Variants in ZNF791 observed in about 807,000 individuals in gnomAD.
ZNF791 encodes zinc finger protein 791.
Under a neutral mutation model 11.5 loss-of-function variants are expected in ZNF791, and 4 were observed. The observed-to-expected ratio is 0.35, with a 90% confidence interval of 0.17 to 0.80. The LOEUF is 0.80. Ranked by LOEUF, ZNF791 falls within the 30% of genes least tolerant of loss-of-function variation. The probability of loss-of-function intolerance (pLI) is 0.53; values close to 1 mark genes in which losing one functional copy is unlikely to be tolerated. For missense variants in ZNF791, 559 were observed against 699.4 expected, an observed-to-expected ratio of 0.80 and a Z score of 2.26; for synonymous variants, 212 against 228.1, an observed-to-expected ratio of 0.93 and a Z score of 0.64.
intron 1 of ZNF791, chr19:12,612,220 T>TA (rs924829547): frequency 1.3e-4 from 89 of 689,116 alleles, no homozygotes; most frequent in Non-Finnish European, 1.6e-4. Context: ...TTTTTTTTTT[T>TA]AACAGATGGG....
chr19:12,629,032 C>A lies in ZNF791; in HGVS notation c.1503C>A (p.Cys501Ter). 1 of 1,612,020 alleles carries A rather than the reference C, an allele frequency of 6.2e-7. No individual in the cohort carries two copies. The highest frequency in any genetic ancestry group is 1.7e-5 in the Admixed American group (1 of 59,658). Reference protein sequence around the residue: ...TGEKPYECKECGKAFIYPTSF... With the variant: ...TGEKPYECKE ...AGAAACCTTATGAATGTAAGGAATG[C>A]GGGAAGGCCTTTATTTATCCCACAA... The change falls in exon 4 of 4, where the codon TGC (cysteine) becomes TGA (stop). Residue 501 changes from cysteine to a stop codon, truncating the protein, a stop_gained. Coordinates refer to ENST00000343325, the MANE Select transcript of ZNF791 (RefSeq NM_153358.3). LOFTEE classifies it low-confidence loss of function (END_TRUNC).
intron 1 of ZNF791, among the ~76,000 whole-genome samples, chr19:12,613,291 G>A (rs1305815458): frequency 6.6e-6 from 1 of 151,272 alleles, no homozygotes; most frequent in Non-Finnish European, 1.5e-5. Context: ...CAATCCTTAA[G>A]AATTTAAGGG....
At chr19:12,614,784 G>T (rs988682235) in intron 1 of ZNF791, among the ~76,000 whole-genome samples, 3 of 150,724 alleles carry the variant, frequency 2.0e-5, no homozygotes, top group African/African-American at 7.3e-5. Context: ...AGTAGAGATG[G>T]GGTTTCTCCA....
chr19:12,627,789 ATC>A lies in ZNF791; in HGVS notation c.263_264del (p.Leu88GlnfsTer13), dbSNP rs1568290438. 1.8e-5 allele frequency: 29 copies of A among 1,614,066 alleles called. No homozygotes were observed. The highest frequency in any genetic ancestry group is 2.4e-5 in the Non-Finnish European group (28 of 1,180,038). On this transcript the variant is annotated frameshift_variant, in exon 4 of 4. Coordinates refer to ENST00000343325, the MANE Select transcript of ZNF791 (RefSeq NM_153358.3). LOFTEE classifies it low-confidence loss of function (END_TRUNC). The stretch of plus-strand genomic sequence containing the variant: ...CAATGTGCAGAAAACTTCAGTCCCA[ATC>A]TCAGTGTGACGAAGAAGACTGCCGG...
rs771047404 is a variant in ZNF791 at position 12,629,017 on chromosome 19, T to G, written c.1488T>G (p.Tyr496Ter). 1 of 1,613,890 alleles carries G rather than the reference T, an allele frequency of 6.2e-7. No individual in the cohort carries two copies. The highest frequency in any genetic ancestry group is 8.5e-7 in the Non-Finnish European group (1 of 1,179,952). The stretch of plus-strand genomic sequence containing the variant: ...GAACTCACACTGGGGAGAAACCTTA[T>G]GAATGTAAGGAATGCGGGAAGGCCT... The part of the protein sequence containing the change: ...HKRTHTGEKP[Y>*]ECKECGKAFI... The change falls in exon 4 of 4, where the codon TAT becomes TAG. Residue 496 changes from tyrosine (Y) to a stop codon, truncating the protein, a stop_gained. Coordinates refer to ENST00000343325, the MANE Select transcript of ZNF791 (RefSeq NM_153358.3). LOFTEE classifies it low-confidence loss of function (END_TRUNC).
chr19:12,622,317 C>T (rs35420376), intron 1 of ZNF791, among the ~76,000 whole-genome samples: 65,654 of 134,714 alleles, frequency 0.49, 18,696 homozygotes, highest in Non-Finnish European at 0.66. Context: ...CTGTCAAATC[C>T]CCCTCTGTGA....
chr19:12,624,162 T>C (rs1335355772), intron 2 of ZNF791, among the ~76,000 whole-genome samples: 1 of 141,044 alleles, frequency 7.1e-6, no homozygotes, highest in African/African-American at 2.6e-5. Context: ...GGCCTTCTTT[T>C]TTTTTTTTTT....
rs767694014 is a variant in ZNF791 at position 12,627,709 on chromosome 19, A to G, written c.192-12A>G. 1 of 1,593,500 alleles carries G rather than the reference A, an allele frequency of 6.3e-7. No homozygotes were observed. Among genetic ancestry groups the G allele is most frequent in the South Asian group, 1.1e-5 (1 of 89,428 alleles). On this transcript the variant is annotated splice_polypyrimidine_tract_variant and intron_variant, in intron 3 of 3. Transcript: ENST00000343325. ...ACACAACCAGTATTACCGTGCTTCTAATTTTTTACAGAAGCCATACGGGAG... is the reference window on the plus strand; with the variant it reads ...ACACAACCAGTATTACCGTGCTTCTGATTTTTTACAGAAGCCATACGGGAG...
chr19:12,616,331 G>T (rs938605889), intron 1 of ZNF791, among the ~76,000 whole-genome samples: 1 of 152,140 alleles, frequency 6.6e-6, no homozygotes, highest in African/African-American at 2.4e-5. Context: ...GGTGGTACAC[G>T]CTTGTCATCC....
chr19:12,630,085 A>G lies in ZNF791; in HGVS notation c.*825A>G, dbSNP rs934226672. The G allele has an allele frequency of 1.3e-5, 2 of 151,720 alleles. No homozygotes were observed. The highest frequency in any genetic ancestry group is 2.9e-5 in the Non-Finnish European group (2 of 68,050). The allele number at this position is 151,720 out of a possible 1,614,324, so 9.4% of individuals were successfully genotyped here. On this transcript the variant is annotated 3_prime_UTR_variant, in exon 4 of 4. Transcript: ENST00000343325. ...TGAGGCAGGAGGATTGCCTGAGCCCAGGAGTTCAAGGCTACAGTGAACCAA... is the reference window on the plus strand; with the variant it reads ...TGAGGCAGGAGGATTGCCTGAGCCCGGGAGTTCAAGGCTACAGTGAACCAA...
At chr19:12,620,771 T>A (rs1599323508) in intron 1 of ZNF791, among the ~76,000 whole-genome samples, 1 of 142,678 alleles carries the variant, frequency 7.0e-6, no homozygotes, top group East Asian at 2.0e-4. Context: ...TTTTTTTTTT[T>A]TTTTTTTGAG....
At chr19:12,621,740 GCCAGCCGCCCCGTCCGGGAGGGAGGT>G (rs754913418) in intron 1 of ZNF791, among the ~76,000 whole-genome samples, 358 of 118,980 alleles carry the variant, frequency 3.0e-3, no homozygotes, top group Non-Finnish European at 5.4e-3. Flanking sequence ...CCCCTGCCCG[GCCAGCCGCCCCGTCCGGGAGGGAGGT>G]GGGGGGGGTC....
chr19:12,625,331 G>C (rs970158504), intron 3 of ZNF791, among the ~76,000 whole-genome samples: 1 of 151,062 alleles, frequency 6.6e-6, no homozygotes, highest in African/African-American at 2.4e-5. Flanking sequence ...ATGTTGGCAA[G>C]GCTGGTCTCA....
rs1222841899 is a variant in ZNF791, at chr19:12,632,114, C to A, written c.*2854C>A. The A allele has an allele frequency of 1.3e-5, 2 of 152,002 alleles. No individual in the cohort carries two copies. Among genetic ancestry groups the A allele is most frequent in the African/African-American group, 2.4e-5 (1 of 41,366 alleles). 9.4% of individuals were successfully genotyped at this position (152,002 alleles called of 1,614,324 possible). The stretch of plus-strand genomic sequence containing the variant: ...TAGCTGGGACTGCAGGCGCCCGCCA[C>A]CATGCCCAGCTAATTTTTTTTGTAT... On this transcript the variant is annotated 3_prime_UTR_variant, in exon 4 of 4. Transcript: ENST00000343325.
At chr19:12,621,723 GTC>G (rs2145186950) in intron 1 of ZNF791, among the ~76,000 whole-genome samples, 1 of 67,668 alleles carries the variant, frequency 1.5e-5, no homozygotes, top group South Asian at 3.3e-4. Context: ...TCGGTGGGGG[GTC>G]AGCCCCCCTG....
In ZNF791 at chr19:12,623,854, TC is replaced by T. The variant is rs5827157; in HGVS notation, c.130+29del. 3,190 of 431,634 alleles carry T rather than the reference TC, an allele frequency of 7.4e-3. 183 individuals are homozygous for T. Among genetic ancestry groups the T allele is most frequent in the Non-Finnish European group, 8.0e-3 (2,201 of 274,178 alleles). The allele number at this position is 431,634 out of a possible 1,614,324, so 26.7% of individuals were successfully genotyped here. ...AAGGATGACATCATTTTTTCTTTTT[TC>T]TTTTTTTTTTTTTTTGGGGGGGGAC... On this transcript the variant is annotated intron_variant, in intron 2 of 3. Transcript: ENST00000343325.
rs1018039520 is a variant in ZNF791 at position 12,624,783 on chromosome 19, C to T, written c.191+73C>T. 4.2e-6 allele frequency: 5 copies of T among 1,184,846 alleles called. No individual in the cohort carries two copies. The African/African-American group carries it at 7.8e-5, about 18-fold the overall frequency. The allele number at this position is 1,184,846 out of a possible 1,614,324, so 73.4% of individuals were successfully genotyped here. A position where few individuals can be genotyped will look rare whatever the true frequency, so the allele number is the denominator to read the frequency against. On this transcript the variant is annotated intron_variant, in intron 3 of 3. Coordinates refer to ENST00000343325, the MANE Select transcript of ZNF791 (RefSeq NM_153358.3). ...AAAATGTTATGGCCGGGCACGGTGGCTCACACCTGTAATCTCAGCACTTTG... is the reference window on the plus strand; with the variant it reads ...AAAATGTTATGGCCGGGCACGGTGGTTCACACCTGTAATCTCAGCACTTTG...
At position 12,629,600 on chromosome 19, in the gene ZNF791, C is replaced by G. The variant is rs764075425; in HGVS notation, c.*340C>G. 1 of 161,616 alleles carries G rather than the reference C, an allele frequency of 6.2e-6. No individual in the cohort carries two copies. Among genetic ancestry groups the G allele is most frequent in the South Asian group, 2.0e-4 (1 of 5,078 alleles). 10.0% of individuals were successfully genotyped at this position (161,616 alleles called of 1,614,324 possible). A position where few individuals can be genotyped will look rare whatever the true frequency, so the allele number is the denominator to read the frequency against. ...TCAGTTGTATAAAAGTACAAGACAG[C>G]GGCCGGGGACGGTGGCTCACGCCTG... On this transcript the variant is annotated 3_prime_UTR_variant, in exon 4 of 4. Transcript: ENST00000343325.
chr19:12,625,800 G>A (rs1268976536), intron 3 of ZNF791, among the ~76,000 whole-genome samples: 28 of 133,804 alleles, frequency 2.1e-4, no homozygotes, highest in African/African-American at 6.6e-4. Flanking sequence ...AAAAAAAAAA[G>A]AAGAAGAAGA....
Sources: allele counts gnomAD v4.1 joint callset (sites outside exome capture counted in the v4.1 genomes callset), GRCh38; gene constraint gnomAD v4.1.1; transcripts MANE v1.5; gene names NCBI Gene and HGNC (gene_info 2026-07-23, HGNC 2026-07-21).